DOCK5: variants seen among roughly 807,000 people sequenced by gnomAD.
DOCK5 encodes dedicator of cytokinesis protein 5.
A neutral mutation model predicts 251.8 loss-of-function variants in DOCK5; 142 were observed. That is an observed-to-expected ratio of 0.56 (90% CI 0.49 to 0.65). The LOEUF (loss-of-function observed/expected upper bound fraction) is 0.65, where lower values mean the gene tolerates loss of function less well. DOCK5 is among the 30% of genes least tolerant of loss of function. DOCK5 has a pLI of 0.00. For missense variants in DOCK5, 2,111 were observed against 2,312.3 expected (o/e 0.91, Z 1.79); for synonymous variants, 842 against 835.5 (o/e 1.01, Z -0.13).
intron 1 of DOCK5, among the ~76,000 whole-genome samples, chr8:25,218,651 A>C (rs1050502238): frequency 6.6e-6 from 1 of 152,192 alleles, no homozygotes; most frequent in Non-Finnish European, 1.5e-5. Context: ...GGAGAAGGTG[A>C]TAGCATTGTT....
At chr8:25,243,783 A>G (rs1386340784) in intron 2 of DOCK5, 26 bp downstream of exon 2, 3 of 1,609,362 alleles carry the variant, frequency 1.9e-6, no homozygotes, top group South Asian at 1.1e-5. Context: ...CTTCTGCCAG[A>G]TGAGGGCAAG....
intron 1 of DOCK5, among the ~76,000 whole-genome samples, chr8:25,215,969 AC>A: frequency 6.8e-6 from 1 of 147,656 alleles, no homozygotes; most frequent in South Asian, 2.1e-4. Flanking sequence ...ACACACACAC[AC>A]ACGTATACGA....
At chr8:25,378,672 G>A (rs1801007730) in intron 38 of DOCK5, among the ~76,000 whole-genome samples, 1 of 152,178 alleles carries the variant, frequency 6.6e-6, no homozygotes, top group Non-Finnish European at 1.5e-5. Flanking sequence ...AGACACTGAG[G>A]ACGTGCTTTA....
Position 25,342,416 on chromosome 8 carries a change from A to T in DOCK5, c.2526A>T (p.Lys842Asn), listed in dbSNP as rs1396746730. The change falls in exon 25 of 52, where the codon AAA becomes AAT. Residue 842 changes from lysine (K) to asparagine (N), a missense_variant. Physicochemically the swap from Lys to Asn is moderately conservative, Grantham distance 94. Coordinates refer to ENST00000276440, the MANE Select transcript of DOCK5 (RefSeq NM_024940.8). ...TCTCTCCCAGCGTGCTCTTCTGCAA[A>T]TTCATTCAAAGCATTCCTGACAACC... Reference protein sequence around the residue: ...DPVELSVLFCKFIQSIPDNQL... With the variant: ...DPVELSVLFCNFIQSIPDNQL... 6.3e-7 allele frequency: 1 copy of T among 1,594,752 alleles called. No individual in the cohort carries two copies.
chr8:25,393,714 G>A (rs1801299320), intron 44 of DOCK5, among the ~76,000 whole-genome samples: 1 of 152,100 alleles, frequency 6.6e-6, no homozygotes, highest in Non-Finnish European at 1.5e-5. Context: ...ACCCAAGTTG[G>A]GTGACCTGCC....
chr8:25,347,488 C>A (rs1243254995), intron 26 of DOCK5, among the ~76,000 whole-genome samples: 1 of 152,104 alleles, frequency 6.6e-6, no homozygotes, highest in African/African-American at 2.4e-5. Flanking sequence ...GGTTCCTAAC[C>A]AAGGACTTTG....
intron 2 of DOCK5, among the ~76,000 whole-genome samples, chr8:25,251,850 A>T (rs1427757213): frequency 6.6e-6 from 1 of 152,146 alleles, no homozygotes; most frequent in African/African-American, 2.4e-5. Context: ...TTAGCCGGGC[A>T]TGGTGGTGTG....
At chr8:25,392,100 G>A (rs1009800456) in intron 43 of DOCK5, 120 bp downstream of exon 43, 21 of 918,814 alleles carry the variant, frequency 2.3e-5, no homozygotes, top group African/African-American at 2.0e-4. Context: ...TCAAGAGATC[G>A]AGACCATCCT....
chr8:25,196,301 G>T (rs73558405), intron 1 of DOCK5, among the ~76,000 whole-genome samples: 21,815 of 152,192 alleles, frequency 0.14, 2,548 homozygotes, highest in African/African-American at 0.33. Context: ...TGAGTCATTG[G>T]TTGGTGCTGT....
chr8:25,243,572 A>C, intron 1 of DOCK5, 102 bp from the exon 2 acceptor site: 1 of 1,066,382 alleles, frequency 9.4e-7, no homozygotes, highest in Non-Finnish European at 1.4e-6. Flanking sequence ...CTCATGATCC[A>C]CCCACCTCAC....
chr8:25,218,341 C>T (rs1420908174), intron 1 of DOCK5, among the ~76,000 whole-genome samples: 1 of 152,210 alleles, frequency 6.6e-6, no homozygotes, highest in African/African-American at 2.4e-5. Flanking sequence ...ATAGGGCATC[C>T]CTGCAGGGCC....
chr8:25,309,395 G>A (rs2117180359), intron 12 of DOCK5, among the ~76,000 whole-genome samples: 1 of 152,002 alleles, frequency 6.6e-6, no homozygotes, highest in Non-Finnish European at 1.5e-5. Context: ...TATTGCCCAG[G>A]CTGGTCTCAA....
At chr8:25,253,691 C>A (rs757423699) in intron 2 of DOCK5, among the ~76,000 whole-genome samples, 1 of 152,054 alleles carries the variant, frequency 6.6e-6, no homozygotes, top group Non-Finnish European at 1.5e-5. Flanking sequence ...TCTGCTTCAT[C>A]CATAGTAATA....
rs571260206 is a variant in DOCK5 at position 25,221,218 on chromosome 8, A to G, written c.44-22456A>G. 7.9e-5 allele frequency among the ~76,000 whole-genome samples: 12 copies of G among 152,338 alleles called. No individual in the cohort carries two copies. In the South Asian group the frequency reaches 2.5e-3, roughly 32 times the overall value. On this transcript the variant is annotated intron_variant, in intron 1 of 51. Coordinates refer to ENST00000276440, the MANE Select transcript of DOCK5 (RefSeq NM_024940.8). ...TGTCTTTCTCTTTCCAAAGGAATATATCTGATAAGTGAAATTATTAGATCA... is the reference window on the plus strand; with the variant it reads ...TGTCTTTCTCTTTCCAAAGGAATATGTCTGATAAGTGAAATTATTAGATCA...
chr8:25,366,564 A>G (rs1800779969), intron 30 of DOCK5, among the ~76,000 whole-genome samples: 1 of 152,188 alleles, frequency 6.6e-6, no homozygotes, highest in Admixed American at 6.5e-5. Flanking sequence ...AAGTTTGGCA[A>G]ACTTTTAGGA....
At chr8:25,246,056 G>A (rs1803096237) in intron 2 of DOCK5, among the ~76,000 whole-genome samples, 1 of 152,124 alleles carries the variant, frequency 6.6e-6, no homozygotes, top group South Asian at 2.1e-4. Flanking sequence ...GAATTGTTGT[G>A]TTAAACAGTT....
At chr8:25,296,438 C>T (rs1804616258) in intron 6 of DOCK5, 75 bp from the exon 7 acceptor site, 2 of 1,534,020 alleles carry the variant, frequency 1.3e-6, no homozygotes, top group South Asian at 1.2e-5. Flanking sequence ...ATCCTCTGGG[C>T]TCCTTGACAA....
At chr8:25,235,265 C>T (rs1289398211) in intron 1 of DOCK5, among the ~76,000 whole-genome samples, 1 of 152,158 alleles carries the variant, frequency 6.6e-6, no homozygotes, top group Non-Finnish European at 1.5e-5. Context: ...CAGGATCTTG[C>T]TCTGTCGCCT....
chr8:25,319,490 G>T, intron 14 of DOCK5, 88 bp from the exon 15 acceptor site: 2 of 817,614 alleles, frequency 2.4e-6, no homozygotes, highest in Non-Finnish European at 4.0e-6. Context: ...GACGTGTTTG[G>T]GGGTGAGGGG....
Sources: allele counts gnomAD v4.1 joint callset (sites outside exome capture counted in the v4.1 genomes callset), GRCh38; gene constraint gnomAD v4.1.1; transcripts MANE v1.5; gene names NCBI Gene and HGNC (gene_info 2026-07-23, HGNC 2026-07-21).